The following PHLDB2 variants were observed in gnomAD, a reference collection of about 807,000 sequenced individuals.
PHLDB2 encodes pleckstrin homology like domain family B member 2, also known as pleckstrin homology-like domain family B member 2.
A neutral mutation model predicts 123.6 loss-of-function variants in PHLDB2; 71 were observed. The ratio of observed to expected loss-of-function variants is 0.57; its 90% CI spans 0.47 to 0.70. The LOEUF (loss-of-function observed/expected upper bound fraction) is 0.70, where lower values mean the gene tolerates loss of function less well. Ranked by LOEUF, PHLDB2 falls within the 30% of genes least tolerant of loss-of-function variation. The probability of loss-of-function intolerance (pLI) is 0.00; values close to 1 mark genes in which losing one functional copy is unlikely to be tolerated. For synonymous variants in PHLDB2, 547 were observed against 541.6 expected (o/e 1.01, Z -0.14); for missense variants, 1,446 against 1,519.5 (o/e 0.95, Z 0.80).
intron 1 of PHLDB2, among the ~76,000 whole-genome samples, chr3:111,807,738 G>A (rs770051465): frequency 1.6e-4 from 24 of 151,968 alleles, no homozygotes; most frequent in Admixed American, 6.6e-5. Flanking sequence ...CAGCCTGGGC[G>A]ACAGAGTGAG....
At chr3:111,857,394 T>C (rs1393154847), upstream of PHLDB2, among the ~76,000 whole-genome samples, 1 of 145,208 alleles carries the variant, frequency 6.9e-6, no homozygotes, top group Admixed American at 7.1e-5. Context: ...AAGGCTGCAG[T>C]GAGCTATGAC....
intron 5 of PHLDB2, among the ~76,000 whole-genome samples, chr3:111,928,042 G>A (rs909340009): frequency 1.3e-5 from 2 of 152,186 alleles, no homozygotes; most frequent in Non-Finnish European, 2.9e-5. Context: ...AAATTCTTTA[G>A]TGTAAACTTT....
chr3:111,923,537 A>C (rs902053884), intron 5 of PHLDB2, among the ~76,000 whole-genome samples: 1 of 152,118 alleles, frequency 6.6e-6, no homozygotes, highest in African/African-American at 2.4e-5. Flanking sequence ...TCTGACTCAT[A>C]TCCTGTGCCT....
chr3:111,816,689 T>G (rs1258050301), intron 1 of PHLDB2, among the ~76,000 whole-genome samples: 1 of 152,192 alleles, frequency 6.6e-6, no homozygotes, highest in Admixed American at 6.5e-5. Flanking sequence ...GACTGTGAAC[T>G]TTTGAGTTAA....
chr3:111,812,574 A>G (rs781372749), intron 1 of PHLDB2, among the ~76,000 whole-genome samples: 1 of 152,150 alleles, frequency 6.6e-6, no homozygotes, highest in East Asian at 1.9e-4. Flanking sequence ...CTTCTACACT[A>G]TGAGACCATC....
intron 1 of PHLDB2, among the ~76,000 whole-genome samples, chr3:111,807,115 T>C (rs573369111): frequency 6.7e-6 from 1 of 150,228 alleles, no homozygotes; most frequent in Non-Finnish European, 1.5e-5. Flanking sequence ...ATAAACCTGG[T>C]TTAGGGGATC....
At chr3:111,974,305 A>C (rs1290177004) in intron 17 of PHLDB2, 118 bp from the exon 18 acceptor site, 1 of 990,396 alleles carries the variant, frequency 1.0e-6, no homozygotes, top group African/African-American at 1.7e-5. Flanking sequence ...GAGCAAAAGT[A>C]ACGCCTTTGT....
intron 2 of PHLDB2, chr3:111,911,563 G>C: frequency 6.7e-7 from 1 of 1,492,044 alleles, no homozygotes; most frequent in East Asian, 2.5e-5. Flanking sequence ...GGGCTTGGCA[G>C]CTGGTGGAAA....
intron 2 of PHLDB2, among the ~76,000 whole-genome samples, chr3:111,904,076 G>A (rs1045712799): frequency 9.2e-5 from 14 of 151,978 alleles, no homozygotes; most frequent in Non-Finnish European, 1.8e-4. Flanking sequence ...TGAGGAGTTC[G>A]AGACCAGCCT....
chr3:111,971,849 C>A (rs1212010329), intron 16 of PHLDB2, among the ~76,000 whole-genome samples: 1 of 152,184 alleles, frequency 6.6e-6, no homozygotes, highest in African/African-American at 2.4e-5. Context: ...ATGGCCCTGG[C>A]CTTTGTCCTT....
intron 1 of PHLDB2, among the ~76,000 whole-genome samples, chr3:111,875,506 G>A (rs1576965587): frequency 6.6e-6 from 1 of 151,470 alleles, no homozygotes; most frequent in East Asian, 2.0e-4. Context: ...AATTGGGCAA[G>A]AGCTAAGGAA....
At chr3:111,872,382 T>C (rs962126529) in intron 1 of PHLDB2, among the ~76,000 whole-genome samples, 1 of 152,192 alleles carries the variant, frequency 6.6e-6, no homozygotes, top group African/African-American at 2.4e-5. Flanking sequence ...TTGCCTCCTC[T>C]CTTACACATG....
At chr3:111,779,875 G>A (rs1251635368) in intron 1 of PHLDB2, 6 of 983,912 alleles carry the variant, frequency 6.1e-6, no homozygotes, top group Non-Finnish European at 7.2e-6. Context: ...AGGGTAAGTA[G>A]TCAATCAGCC....
At chr3:111,939,358 G>A (rs2069721259) in intron 6 of PHLDB2, 117 bp from the exon 7 acceptor site, 1 of 1,049,940 alleles carries the variant, frequency 9.5e-7, no homozygotes, top group East Asian at 2.5e-5. Flanking sequence ...TCTAACCCTG[G>A]TCAATATTGT....
chr3:111,814,130 T>C (rs1338662392), intron 1 of PHLDB2, among the ~76,000 whole-genome samples: 1 of 152,160 alleles, frequency 6.6e-6, no homozygotes, highest in African/African-American at 2.4e-5. Context: ...TGATAGTTAA[T>C]ACTGAGTGGA....
chr3:111,832,748 A>G (rs1379045632), intron 1 of PHLDB2, among the ~76,000 whole-genome samples: 1 of 35,764 alleles, frequency 2.8e-5, no homozygotes, highest in Admixed American at 5.3e-4. Flanking sequence ...TAATATATAT[A>G]ATAGAATTAT....
At chr3:111,811,487 C>T (rs1022525057) in intron 1 of PHLDB2, among the ~76,000 whole-genome samples, 6 of 152,116 alleles carry the variant, frequency 3.9e-5, no homozygotes, top group African/African-American at 1.2e-4. Context: ...CAAAAGAAAT[C>T]GTTAGGCAGT....
intron 3 of PHLDB2, among the ~76,000 whole-genome samples, chr3:111,918,644 G>T (rs1194933557): frequency 6.6e-6 from 1 of 152,198 alleles, no homozygotes; most frequent in Non-Finnish European, 1.5e-5. Flanking sequence ...AGATGGGAGA[G>T]AATATTGTGC....
At position 111,859,517 on chromosome 3, in the gene PHLDB2, T is replaced by TGGCGC; in HGVS notation, c.-73_-69dup. ...CCGACGGGGGCCCGACGGTGTGGCG[T>TGGCGC]GGCGCAAGGAGCGCGCCTGCCTTCT... On this transcript the variant is annotated 5_prime_UTR_variant, in exon 1 of 18. Transcript: ENST00000431670. 5 of 985,594 alleles carry TGGCGC rather than the reference T, an allele frequency of 5.1e-6. No homozygotes were observed. Among genetic ancestry groups the TGGCGC allele is most frequent in the Non-Finnish European group, 4.8e-6 (4 of 830,040 alleles). The allele number at this position is 985,594 out of a possible 1,614,324, so 61.1% of individuals were successfully genotyped here.
Sources: gnomAD v4.1 joint callset for allele counts (sites outside exome capture counted in the v4.1 genomes callset) on GRCh38, gnomAD v4.1.1 for gene constraint, MANE v1.5 for transcripts, NCBI Gene and HGNC (gene_info 2026-07-23, HGNC 2026-07-21) for gene names.